Variants in GRM1 observed in about 807,000 individuals in gnomAD.
GRM1 encodes the protein metabotropic glutamate receptor 1.
Under a neutral mutation model 90.9 loss-of-function variants are expected in GRM1, and 33 were observed. That is an observed-to-expected ratio of 0.36 (90% CI 0.28 to 0.49). The LOEUF (loss-of-function observed/expected upper bound fraction) is 0.49, where lower values mean the gene tolerates loss of function less well. GRM1 is among the 20% of genes least tolerant of loss of function. The probability of loss-of-function intolerance (pLI) is 0.99; values close to 1 mark genes in which losing one functional copy is unlikely to be tolerated. For missense variants in GRM1, 1,190 were observed against 1,534.3 expected (o/e 0.78, Z 3.75); for synonymous variants, 700 against 613.2 (o/e 1.14, Z -2.09).
At chr6:146,064,039 A>G (rs562840302) in intron 1 of GRM1, among the ~76,000 whole-genome samples, 1 of 152,312 alleles carries the variant, frequency 6.6e-6, no homozygotes, top group African/African-American at 2.4e-5. Flanking sequence ...TTACATGCAA[A>G]TTAACTTGGA....
At chr6:146,255,190 A>G (rs1168701938) in intron 2 of GRM1, among the ~76,000 whole-genome samples, 1 of 151,924 alleles carries the variant, frequency 6.6e-6, no homozygotes, top group African/African-American at 2.4e-5. Flanking sequence ...GTATTGAAAA[A>G]CCTATTTGGA....
intron 2 of GRM1, among the ~76,000 whole-genome samples, chr6:146,299,425 A>AT (rs11452309): frequency 0.38 from 57,432 of 151,880 alleles, 14,985 homozygotes; most frequent in African/African-American, 0.75. Context: ...AGGAAGTTAA[A>AT]TATTTGGATC....
chr6:146,179,270 G>T (rs542648826), intron 2 of GRM1, among the ~76,000 whole-genome samples: 1 of 152,084 alleles, frequency 6.6e-6, no homozygotes, highest in Non-Finnish European at 1.5e-5. Flanking sequence ...CCATGCCCCC[G>T]CTGGAAAAGA....
intron 2 of GRM1, among the ~76,000 whole-genome samples, chr6:146,193,919 G>T (rs894889168): frequency 1.3e-5 from 2 of 151,664 alleles, no homozygotes; most frequent in Admixed American, 1.3e-4. Context: ...TTAGGACATG[G>T]ACATTCTTCA....
At chr6:146,393,349 C>T (rs1428784751) in intron 6 of GRM1, among the ~76,000 whole-genome samples, 2 of 152,038 alleles carry the variant, frequency 1.3e-5, no homozygotes, top group Admixed American at 6.6e-5. Flanking sequence ...AGTTTCTGTT[C>T]GTATCCTTTG....
chr6:146,361,485 A>C (rs76730159), intron 5 of GRM1, among the ~76,000 whole-genome samples: 1 of 152,304 alleles, frequency 6.6e-6, no homozygotes, highest in African/African-American at 2.4e-5. Context: ...AGTGAAGGAC[A>C]GGAAAGGGGT....
At chr6:146,406,996 C>A (rs3827635) in intron 7 of GRM1, among the ~76,000 whole-genome samples, 1 of 152,046 alleles carries the variant, frequency 6.6e-6, no homozygotes, top group Admixed American at 6.5e-5. Context: ...CCATCCCTGA[C>A]GGGTCATAGT....
At chr6:146,126,028 C>T (rs1776185996) in intron 1 of GRM1, among the ~76,000 whole-genome samples, 1 of 151,980 alleles carries the variant, frequency 6.6e-6, no homozygotes, top group African/African-American at 2.4e-5. Flanking sequence ...TTTCTAGTTA[C>T]AGCCAGAAAC....
Position 146,264,603 on chromosome 6 carries a change from G to T in GRM1, c.951-40008G>T, listed in dbSNP as rs563955640. The stretch of plus-strand genomic sequence containing the variant: ...TGTTACATGAACATATTGCATAATG[G>T]TGAGATTTGGACTTCCACAGTACCC... On this transcript the variant is annotated intron_variant, in intron 2 of 7. Transcript: ENST00000282753. Among the ~76,000 whole-genome samples the T allele has an allele frequency of 4.6e-5, 7 of 151,866 alleles. 1 individual carries two copies. The South Asian group carries it at 1.5e-3, about 32-fold the overall frequency.
intron 1 of GRM1, among the ~76,000 whole-genome samples, chr6:146,042,398 G>C (rs1279205755): frequency 6.6e-6 from 1 of 151,940 alleles, no homozygotes; most frequent in Non-Finnish European, 1.5e-5. Flanking sequence ...TTTAGGAGGG[G>C]AAAAAATTAA....
chr6:146,093,472 T>C (rs1776775955), intron 1 of GRM1, among the ~76,000 whole-genome samples: 1 of 152,100 alleles, frequency 6.6e-6, no homozygotes, highest in Admixed American at 6.6e-5. Flanking sequence ...AGGAGTCCCT[T>C]GATGCATAGC....
intron 2 of GRM1, among the ~76,000 whole-genome samples, chr6:146,242,480 A>G (rs1372000253): frequency 6.6e-6 from 1 of 152,154 alleles, no homozygotes; most frequent in Non-Finnish European, 1.5e-5. Context: ...TGAATAATTT[A>G]TGGAAGAATA....
intron 1 of GRM1, among the ~76,000 whole-genome samples, chr6:146,096,475 C>T (rs1481057747): frequency 6.6e-6 from 1 of 152,178 alleles, no homozygotes; most frequent in African/African-American, 2.4e-5. Context: ...TTAAAGGACC[C>T]AGTGGCTACT....
intron 2 of GRM1, among the ~76,000 whole-genome samples, chr6:146,254,302 T>C (rs531256255): frequency 6.6e-6 from 1 of 152,212 alleles, no homozygotes; most frequent in East Asian, 1.9e-4. Flanking sequence ...GAGTATCAAA[T>C]TGGCAGATTT....
chr6:146,152,797 A>G (rs1777388505), intron 1 of GRM1, among the ~76,000 whole-genome samples: 1 of 152,206 alleles, frequency 6.6e-6, no homozygotes, highest in African/African-American at 2.4e-5. Context: ...TCAATAAAAT[A>G]TTTGCTAATC....
intron 2 of GRM1, among the ~76,000 whole-genome samples, chr6:146,195,216 AAATAT>A (rs1175123154): frequency 3.3e-5 from 5 of 152,240 alleles, no homozygotes; most frequent in Non-Finnish European, 7.3e-5. Flanking sequence ...AAAGCTTAAG[AAATAT>A]AAGATTAAAG....
chr6:146,039,762 A>G (rs908801755), intron 1 of GRM1, among the ~76,000 whole-genome samples: 2 of 151,996 alleles, frequency 1.3e-5, no homozygotes, highest in Non-Finnish European at 2.9e-5. Flanking sequence ...AATGAATTTG[A>G]CTTTCTATGT....
intron 2 of GRM1, among the ~76,000 whole-genome samples, chr6:146,191,956 A>G (rs533232559): frequency 6.6e-5 from 10 of 152,324 alleles, no homozygotes; most frequent in Non-Finnish European, 1.5e-4. Flanking sequence ...TATTTATCAC[A>G]TAAGTAGTTG....
At chr6:146,331,821 G>C (rs1362529411) in intron 3 of GRM1, among the ~76,000 whole-genome samples, 1 of 152,134 alleles carries the variant, frequency 6.6e-6, no homozygotes, top group Non-Finnish European at 1.5e-5. Context: ...TTGAGCTTGT[G>C]TTAAGTAGCA....
Sources: allele counts gnomAD v4.1 joint callset (sites outside exome capture counted in the v4.1 genomes callset), GRCh38; gene constraint gnomAD v4.1.1; transcripts MANE v1.5; gene names NCBI Gene and HGNC (gene_info 2026-07-23, HGNC 2026-07-21).